The following POLB variants were observed in gnomAD, a reference collection of about 807,000 sequenced individuals.
The protein encoded by POLB is DNA polymerase beta.
A neutral mutation model predicts 52.7 loss-of-function variants in POLB; 37 were observed. The ratio of observed to expected loss-of-function variants is 0.70; its 90% CI spans 0.54 to 0.92. The LOEUF is 0.92. Ranked by LOEUF, POLB falls within the 40% of genes least tolerant of loss-of-function variation. POLB has a pLI of 0.00. For missense variants in POLB, 313 were observed against 400.8 expected, an observed-to-expected ratio of 0.78 and a Z score of 1.87; for synonymous variants, 138 against 131.3, an observed-to-expected ratio of 1.05 and a Z score of -0.35.
Position 42,369,973 on chromosome 8 carries a change from C to A in POLB, c.898C>A (p.Pro300Thr). 1 of 1,609,080 alleles carries A rather than the reference C, an allele frequency of 6.2e-7. No homozygotes were observed. The highest frequency in any genetic ancestry group is 1.7e-4 in the Middle Eastern group (1 of 6,038). The change falls in exon 13 of 14, where the codon CCC becomes ACC. Residue 300 changes from proline (P) to threonine (T), a missense_variant. Physicochemically the swap from Pro to Thr is conservative, Grantham distance 38. This residue lies in a region of POLB where 246 missense variants were observed against 297.6 expected (regional missense o/e 0.83). Transcript: ENST00000265421. ...CACAATCAATGAGTACACCATCCGT[C>A]CCTTGGGAGTCACTGGTGAGTGTCC... ...GFTINEYTIRPLGVTGVAGEP... is the reference protein window; with the variant it reads ...GFTINEYTIRTLGVTGVAGEP...
At chr8:42,365,724 A>G (rs1441432527) in intron 11 of POLB, among the ~76,000 whole-genome samples, 1 of 152,176 alleles carries the variant, frequency 6.6e-6, no homozygotes, top group Non-Finnish European at 1.5e-5. Context: ...TTTTTTTATA[A>G]TCTTAATGGT....
chr8:42,361,165 T>C (rs1341500564), intron 9 of POLB, 130 bp from the exon 10 acceptor site: 1 of 729,060 alleles, frequency 1.4e-6, no homozygotes, highest in Admixed American at 2.0e-5. Context: ...TAATTCTAAC[T>C]ATGAAGCACA....
rs1199206593 is a variant in POLB, at chr8:42,338,536, C to A, written c.-89C>A. On this transcript the variant is annotated 5_prime_UTR_variant, in exon 1 of 14. Transcript: ENST00000265421. The stretch of plus-strand genomic sequence containing the variant: ...GCCGGAGCTGGGTTGCTCCTGCTCC[C>A]GTCTCCAAGTCCTGGTACCTCCTTC... 11 of 1,188,914 alleles carry A rather than the reference C, an allele frequency of 9.3e-6. No individual in the cohort carries two copies. The highest frequency in any genetic ancestry group is 3.4e-5 in the Admixed American group (2 of 58,162). 73.6% of individuals were successfully genotyped at this position (1,188,914 alleles called of 1,614,324 possible).
At chr8:42,350,218 C>T (rs1290120543) in intron 5 of POLB, among the ~76,000 whole-genome samples, 153 bp downstream of exon 5, 2 of 152,060 alleles carry the variant, frequency 1.3e-5, no homozygotes, top group African/African-American at 2.4e-5. Context: ...GATCTGAGGC[C>T]GATTCTTCAG....
At chr8:42,362,741 A>G in intron 11 of POLB, 43 bp downstream of exon 11, 1 of 1,035,296 alleles carries the variant, frequency 9.7e-7, no homozygotes, top group South Asian at 1.3e-5. Context: ...AAAAACTTGG[A>G]GACTGTTCAG....
intron 2 of POLB, among the ~76,000 whole-genome samples, chr8:42,343,768 A>G (rs1822409544): frequency 6.6e-6 from 1 of 152,150 alleles, no homozygotes; most frequent in South Asian, 2.1e-4. Context: ...CTCAGTACAA[A>G]TCATACTCTT....
chr8:42,342,419 T>C (rs777675225), intron 2 of POLB: 15 of 1,422,040 alleles, frequency 1.1e-5, no homozygotes, highest in Non-Finnish European at 1.5e-5. Flanking sequence ...CAGACTATCA[T>C]ATCCCCCTCT....
In POLB at chr8:42,369,950, C is replaced by A; in HGVS notation, c.875C>A (p.Thr292Lys). The A allele has an allele frequency of 1.2e-6, 2 of 1,610,078 alleles. No homozygotes were observed. The highest frequency in any genetic ancestry group is 1.3e-5 in the African/African-American group (1 of 74,894). ...GCTCATGCCCTAGAAAAGGGTTTCA[C>A]AATCAATGAGTACACCATCCGTCCC... ...MRAHALEKGF[T>K]INEYTIRPLG... Residue 292 changes from threonine (T) to lysine (K), a missense_variant, in exon 13 of 14, where the codon ACA becomes AAA. Physicochemically the swap from Thr to Lys is moderately conservative, Grantham distance 78 (BLOSUM62 -1). Coordinates refer to ENST00000265421, the MANE Select transcript of POLB (RefSeq NM_002690.3).
At chr8:42,349,861 G>C in intron 4 of POLB, 146 bp from the exon 5 acceptor site, 1 of 639,468 alleles carries the variant, frequency 1.6e-6, no homozygotes, top group Non-Finnish European at 2.8e-6. Context: ...TACTCCTTAG[G>C]TTACTTGTGA....
At chr8:42,341,701 A>ATT in intron 2 of POLB, 8 of 273,890 alleles carry the variant, frequency 2.9e-5, no homozygotes, top group South Asian at 8.8e-5. Context: ...AGTGGGAACA[A>ATT]TTTTTTTTTT....
chr8:42,346,242 C>A (rs182004196), intron 3 of POLB, among the ~76,000 whole-genome samples: 198 of 152,086 alleles, frequency 1.3e-3, no homozygotes, highest in Middle Eastern at 0.01. Flanking sequence ...TTTGAGTAGT[C>A]CAGGTCCTGA....
chr8:42,345,400 A>G (rs1368138593), intron 3 of POLB, among the ~76,000 whole-genome samples: 1 of 152,174 alleles, frequency 6.6e-6, no homozygotes, highest in African/African-American at 2.4e-5. Context: ...TATGTGAGTT[A>G]GTGGGAGTGC....
chr8:42,361,786 GC>G (rs35609234), intron 10 of POLB: 43,140 of 160,218 alleles, frequency 0.27, 10,313 homozygotes, highest in African/African-American at 0.66. Flanking sequence ...CTCTTTGATT[GC>G]TTTTTTTTCC....
At chr8:42,366,442 C>A (rs1824042444) in intron 11 of POLB, among the ~76,000 whole-genome samples, 1 of 152,076 alleles carries the variant, frequency 6.6e-6, no homozygotes, top group Non-Finnish European at 1.5e-5. Flanking sequence ...ACAATAAGAA[C>A]AAGAAACTAA....
chr8:42,354,568 A>G (rs1361396225), intron 6 of POLB: 1 of 753,570 alleles, frequency 1.3e-6, no homozygotes, highest in African/African-American at 1.8e-5. Flanking sequence ...TTGTTTTGAG[A>G]CACAGTCTTG....
At chr8:42,370,565 A>G (rs1023379923) in intron 13 of POLB, among the ~76,000 whole-genome samples, 1 of 152,140 alleles carries the variant, frequency 6.6e-6, no homozygotes. Context: ...CTGGTAGACT[A>G]GGGCAGTGCT....
chr8:42,353,494 A>T (rs1823112100), intron 6 of POLB, among the ~76,000 whole-genome samples: 1 of 152,194 alleles, frequency 6.6e-6, no homozygotes, highest in South Asian at 2.1e-4. Flanking sequence ...TCTGTAAGAG[A>T]TTTGTAATGG....
chr8:42,346,585 G>A (rs1330251664), intron 3 of POLB, among the ~76,000 whole-genome samples: 1 of 151,690 alleles, frequency 6.6e-6, no homozygotes, highest in East Asian at 1.9e-4. Context: ...GTAGAGATTG[G>A]ATCTTGTTAT....
intron 9 of POLB, among the ~76,000 whole-genome samples, chr8:42,360,143 A>G (rs1299273552): frequency 6.6e-6 from 1 of 150,580 alleles, no homozygotes; most frequent in Admixed American, 6.6e-5. Context: ...TTTTAGTAGA[A>G]AAGGGGTTTC....
Sources: allele counts gnomAD v4.1 joint callset (sites outside exome capture counted in the v4.1 genomes callset), GRCh38; gene constraint gnomAD v4.1.1; regional missense constraint gnomAD v4.1.1; transcripts MANE v1.5; gene names NCBI Gene and HGNC (gene_info 2026-07-23, HGNC 2026-07-21).